Variants in PDE8A observed in about 807,000 individuals in gnomAD.
PDE8A encodes phosphodiesterase 8A.
PDE8A carries 59 observed loss-of-function variants against 105.0 expected under a neutral mutation model. The observed-to-expected ratio is 0.56, with a 90% CI of 0.46 to 0.70. The LOEUF (loss-of-function observed/expected upper bound fraction) is 0.70. Ranked by LOEUF, PDE8A falls within the 30% of genes least tolerant of loss-of-function variation. The pLI, the probability that PDE8A is intolerant of heterozygous loss-of-function variation, is 0.00. For synonymous variants in PDE8A, 355 were observed against 371.9 expected (o/e 0.95, Z 0.52); for missense variants, 1,014 against 1,045.9 (o/e 0.97, Z 0.42).
chr15:85,075,961 T>TAA (rs1213877201), intron 4 of PDE8A, 43 bp downstream of exon 4: 1 of 1,089,886 alleles, frequency 9.2e-7, no homozygotes, highest in Non-Finnish European at 1.4e-6. Context: ...GGTACCAGTG[T>TAA]AATACTTGCT....
intron 20 of PDE8A, among the ~76,000 whole-genome samples, chr15:85,128,706 T>A (rs2082292127): frequency 6.6e-6 from 1 of 152,162 alleles, no homozygotes; most frequent in Non-Finnish European, 1.5e-5. Flanking sequence ...ACCACCCAAT[T>A]TATTATAGGC....
rs755807876 is a variant in PDE8A at position 85,100,007 on chromosome 15, A to G, written c.942-8A>G. On this transcript the variant is annotated splice_region_variant and splice_polypyrimidine_tract_variant and intron_variant, in intron 9 of 21. Transcript: ENST00000394553. Reference sequence around the variant, plus strand: ...GAAGAGAAATAATGCATTGTTTTTTACTTGCAGAAAAATTAGACACTATGT... The same window carrying G: ...GAAGAGAAATAATGCATTGTTTTTTGCTTGCAGAAAAATTAGACACTATGT... The G allele has an allele frequency of 6.2e-7, 1 of 1,603,984 alleles. No homozygotes were observed. Among genetic ancestry groups the G allele is most frequent in the Non-Finnish European group, 8.5e-7 (1 of 1,173,864 alleles).
At chr15:85,022,088 G>C (rs1442470295) in intron 1 of PDE8A, among the ~76,000 whole-genome samples, 1 of 152,154 alleles carries the variant, frequency 6.6e-6, no homozygotes, top group Non-Finnish European at 1.5e-5. Flanking sequence ...AACATTCATT[G>C]GTCATTTTTG....
At chr15:85,052,291 A>G (rs1240183924) in intron 1 of PDE8A, among the ~76,000 whole-genome samples, 1 of 152,202 alleles carries the variant, frequency 6.6e-6, no homozygotes, top group Non-Finnish European at 1.5e-5. Flanking sequence ...ATATGTGTGC[A>G]TGTGTCTTTA....
intron 2 of PDE8A, among the ~76,000 whole-genome samples, chr15:85,066,582 A>AC: frequency 4.3e-5 from 4 of 93,826 alleles, no homozygotes; most frequent in Admixed American, 3.3e-4. Context: ...CATCCCCCCA[A>AC]AACACACACA....
At chr15:85,071,333 A>G (rs965851558) in intron 3 of PDE8A, among the ~76,000 whole-genome samples, 1 of 152,216 alleles carries the variant, frequency 6.6e-6, no homozygotes, top group African/African-American at 2.4e-5. Flanking sequence ...AGGCTTTATG[A>G]GCTGGGCAGA....
chr15:85,058,238 G>T (rs548232077), intron 1 of PDE8A, among the ~76,000 whole-genome samples: 1 of 152,144 alleles, frequency 6.6e-6, no homozygotes, highest in South Asian at 2.1e-4. Context: ...ATACCACCAT[G>T]ACCAGCTTTT....
At chr15:84,999,110 T>G (rs915779965) in intron 1 of PDE8A, among the ~76,000 whole-genome samples, 5 of 148,114 alleles carry the variant, frequency 3.4e-5, no homozygotes, top group African/African-American at 9.9e-5. Context: ...ATTTTCCTGA[T>G]AGGTCACATT....
intron 1 of PDE8A, among the ~76,000 whole-genome samples, chr15:85,027,924 T>C (rs1350456176): frequency 6.6e-6 from 1 of 152,234 alleles, no homozygotes; most frequent in Non-Finnish European, 1.5e-5. Context: ...TAAACTTAGA[T>C]GAACACATTC....
intron 5 of PDE8A, among the ~76,000 whole-genome samples, chr15:85,079,742 G>A (rs866848337): frequency 1.5e-4 from 23 of 152,076 alleles, no homozygotes; most frequent in African/African-American, 5.3e-4. Context: ...GCGAAACCCC[G>A]TCTCTACTAA....
At chr15:84,999,333 C>T (rs1042042702) in intron 1 of PDE8A, among the ~76,000 whole-genome samples, 1 of 151,992 alleles carries the variant, frequency 6.6e-6, no homozygotes, top group African/African-American at 2.4e-5. Context: ...GTTGGCCAGG[C>T]CTGGTCTTTG....
chr15:84,990,191 A>T (rs544246495), intron 1 of PDE8A, among the ~76,000 whole-genome samples: 51 of 152,348 alleles, frequency 3.3e-4, no homozygotes, highest in African/African-American at 1.2e-3. Flanking sequence ...TCTCAAAAAA[A>T]AATTAATTCA....
intron 5 of PDE8A, among the ~76,000 whole-genome samples, chr15:85,078,443 G>T (rs986332494): frequency 1.3e-5 from 2 of 150,890 alleles, no homozygotes; most frequent in Non-Finnish European, 2.9e-5. Context: ...CTACTTGGGA[G>T]GCTGAGGCAG....
At chr15:85,114,863 C>T (rs777366754) in intron 14 of PDE8A, among the ~76,000 whole-genome samples, 5 of 151,888 alleles carry the variant, frequency 3.3e-5, no homozygotes, top group Non-Finnish European at 5.9e-5. Flanking sequence ...GTCCTGGAGG[C>T]GAGCAGATGA....
chr15:84,996,002 CCTCTT>C (rs1236091666), intron 1 of PDE8A, among the ~76,000 whole-genome samples: 12 of 152,082 alleles, frequency 7.9e-5, no homozygotes, highest in African/African-American at 2.9e-4. Flanking sequence ...ATTTGAATGT[CCTCTT>C]CTGTGAATTT....
chr15:85,133,037 G>A (rs565572129), intron 20 of PDE8A, among the ~76,000 whole-genome samples: 2 of 152,226 alleles, frequency 1.3e-5, no homozygotes, highest in East Asian at 1.9e-4. Context: ...ACCTCTCCTA[G>A]TCTTTGAAAA....
chr15:84,998,458 A>G (rs1596418639), intron 1 of PDE8A, among the ~76,000 whole-genome samples: 1 of 152,224 alleles, frequency 6.6e-6, no homozygotes, highest in Non-Finnish European at 1.5e-5. Flanking sequence ...AACACTTGGA[A>G]TTTCTAAACT....
chr15:85,084,289 C>G (rs999939478), intron 6 of PDE8A, among the ~76,000 whole-genome samples: 2 of 152,022 alleles, frequency 1.3e-5, no homozygotes, highest in South Asian at 4.1e-4. Context: ...CAAAGGGGAT[C>G]GGAATGAGAG....
At position 85,061,764 on chromosome 15, in the gene PDE8A, T is replaced by G. The variant is rs1217066817; in HGVS notation, c.187-2606T>G. On this transcript the variant is annotated intron_variant, in intron 1 of 21. Transcript: ENST00000394553. ...TTGTTTCATGGTGTCCTTCAGGCAC[T>G]GTAAGCTCTGTTCACTATTTTTTTA... Among the ~76,000 whole-genome samples the G allele has an allele frequency of 3.3e-5, 5 of 152,296 alleles. No homozygotes were observed. In the South Asian group the frequency reaches 6.2e-4, roughly 19 times the overall value.
Sources: allele counts gnomAD v4.1 joint callset (sites outside exome capture counted in the v4.1 genomes callset), GRCh38; gene constraint gnomAD v4.1.1; transcripts MANE v1.5; gene names NCBI Gene and HGNC (gene_info 2026-07-23, HGNC 2026-07-21).